The following CNTN5 variants were observed in gnomAD, a reference collection of about 807,000 sequenced individuals.
CNTN5 encodes contactin-5.
In CNTN5, 77 loss-of-function variants were observed where a neutral mutation model predicts 129.1. The observed-to-expected ratio is 0.60, with a 90% CI of 0.50 to 0.72. The LOEUF is 0.72. Ranked by LOEUF, CNTN5 falls within the 30% of genes least tolerant of loss-of-function variation. The pLI, the probability that CNTN5 is intolerant of heterozygous loss-of-function variation, is 0.00. For synonymous variants in CNTN5, 509 were observed against 465.6 expected (o/e 1.09, Z -1.20); for missense variants, 1,478 against 1,328.8 (o/e 1.11, Z -1.75).
chr11:99,068,511 T>C (rs964021276), intron 1 of CNTN5, among the ~76,000 whole-genome samples: 2 of 152,114 alleles, frequency 1.3e-5, no homozygotes, highest in Middle Eastern at 3.2e-3. Flanking sequence ...TACAATCTAT[T>C]GGAGATATTA....
intron 3 of CNTN5, among the ~76,000 whole-genome samples, chr11:99,790,409 A>G (rs1173278228): frequency 6.6e-6 from 1 of 151,898 alleles, no homozygotes; most frequent in Non-Finnish European, 1.5e-5. Flanking sequence ...TCCTACTTGT[A>G]AGACCATGCT....
intron 2 of CNTN5, among the ~76,000 whole-genome samples, chr11:99,387,147 G>T (rs998769130): frequency 2.0e-5 from 3 of 152,068 alleles, no homozygotes; most frequent in African/African-American, 7.2e-5. Flanking sequence ...AATTAATAGA[G>T]GTTGATTTTA....
intron 3 of CNTN5, among the ~76,000 whole-genome samples, chr11:99,701,708 A>G (rs1182368556): frequency 6.6e-6 from 1 of 151,012 alleles, no homozygotes; most frequent in Non-Finnish European, 1.5e-5. Flanking sequence ...GATCTTTCCT[A>G]TAATAAACCT....
At chr11:99,894,122 A>G (rs1949135836) in intron 6 of CNTN5, among the ~76,000 whole-genome samples, 1 of 152,034 alleles carries the variant, frequency 6.6e-6, no homozygotes, top group Non-Finnish European at 1.5e-5. Flanking sequence ...TGTACTTACC[A>G]TCTCCCGTTC....
chr11:100,112,409 G>A (rs1393834722), intron 13 of CNTN5, among the ~76,000 whole-genome samples: 2 of 152,090 alleles, frequency 1.3e-5, no homozygotes, highest in African/African-American at 2.4e-5. Flanking sequence ...TAATAGTAGA[G>A]AAATGGATAA....
chr11:99,488,123 T>C (rs1040277963), intron 2 of CNTN5, among the ~76,000 whole-genome samples: 5 of 151,792 alleles, frequency 3.3e-5, no homozygotes, highest in Non-Finnish European at 5.9e-5. Flanking sequence ...TCCCATCTGA[T>C]GCTAGTGAAG....
At chr11:100,165,613 A>G (rs1041664452) in intron 13 of CNTN5, among the ~76,000 whole-genome samples, 1 of 151,946 alleles carries the variant, frequency 6.6e-6, no homozygotes, top group African/African-American at 2.4e-5. Context: ...TGAATTCCCT[A>G]TCTCTGAAAG....
At chr11:100,110,114 T>C (rs1218741449) in intron 13 of CNTN5, among the ~76,000 whole-genome samples, 1 of 150,002 alleles carries the variant, frequency 6.7e-6, no homozygotes, top group Non-Finnish European at 1.5e-5. Context: ...TTGAGCCCAG[T>C]GGGTGGAGGT....
At chr11:99,522,973 A>T (rs1208003335) in intron 2 of CNTN5, among the ~76,000 whole-genome samples, 1 of 152,192 alleles carries the variant, frequency 6.6e-6, no homozygotes, top group Non-Finnish European at 1.5e-5. Flanking sequence ...ACTAAATTCC[A>T]AAAAAGTCCA....
In CNTN5 at chr11:99,371,061, G is replaced by A. The variant is rs1334521396; in HGVS notation, c.-71+45577G>A. ...CTGCAGCCTCTGTTGAAGAGAGGCA[G>A]TCTGACTCATCAAGTTTCTATTTTT... is the stretch of plus-strand genomic sequence containing the variant. On this transcript the variant is annotated intron_variant, in intron 2 of 24. Transcript: ENST00000524871. Among the ~76,000 whole-genome samples, 3 of 152,150 alleles carry A rather than the reference G, an allele frequency of 2.0e-5. No individual in the cohort carries two copies. The South Asian group carries it at 6.2e-4, about 31-fold the overall frequency.
At chr11:100,043,039 G>T (rs1450080790) in intron 9 of CNTN5, among the ~76,000 whole-genome samples, 2 of 152,150 alleles carry the variant, frequency 1.3e-5, no homozygotes, top group Non-Finnish European at 2.9e-5. Flanking sequence ...GTTTGTGCTT[G>T]TGAGCAATAA....
At chr11:99,883,069 G>A (rs1948812982) in intron 6 of CNTN5, among the ~76,000 whole-genome samples, 1 of 152,024 alleles carries the variant, frequency 6.6e-6, no homozygotes, top group South Asian at 2.1e-4. Context: ...TTCTTTTGTG[G>A]CTGAATAGTA....
intron 4 of CNTN5, among the ~76,000 whole-genome samples, chr11:99,831,836 A>G (rs1180104639): frequency 1.3e-5 from 2 of 152,132 alleles, no homozygotes; most frequent in African/African-American, 4.8e-5. Flanking sequence ...CCTACCTACT[A>G]AGGTTTTTCA....
chr11:100,309,377 G>A (rs1951423572), intron 21 of CNTN5: 1 of 974,260 alleles, frequency 1.0e-6, no homozygotes, highest in Non-Finnish European at 1.2e-6. Flanking sequence ...ACAATTATTT[G>A]ATTAACATAC....
chr11:99,580,242 G>T (rs574235083), intron 3 of CNTN5, among the ~76,000 whole-genome samples: 11 of 152,162 alleles, frequency 7.2e-5, no homozygotes, highest in South Asian at 2.1e-4. Context: ...CAGTATTTTA[G>T]TGAGGATTTT....
At chr11:99,773,639 G>T (rs575234690) in intron 3 of CNTN5, among the ~76,000 whole-genome samples, 2 of 152,084 alleles carry the variant, frequency 1.3e-5, no homozygotes, top group South Asian at 4.1e-4. Flanking sequence ...TTCATACAAT[G>T]TAAAAATTAG....
At chr11:99,968,572 C>A (rs1951157915) in intron 8 of CNTN5, among the ~76,000 whole-genome samples, 1 of 142,960 alleles carries the variant, frequency 7.0e-6, no homozygotes, top group Non-Finnish European at 1.5e-5. Context: ...TGGTACTCAA[C>A]AATGGAATGT....
At chr11:99,786,364 A>C (rs1945524043) in intron 3 of CNTN5, among the ~76,000 whole-genome samples, 1 of 151,806 alleles carries the variant, frequency 6.6e-6, no homozygotes, top group Non-Finnish European at 1.5e-5. Context: ...GGACACAAAC[A>C]AATGGAAAAA....
intron 6 of CNTN5, among the ~76,000 whole-genome samples, chr11:99,865,414 A>G (rs1350746966): frequency 2.0e-5 from 3 of 151,956 alleles, no homozygotes; most frequent in Non-Finnish European, 1.5e-5. Flanking sequence ...TTTTTAAAAT[A>G]CTATGAAAAT....
Sources: gnomAD v4.1 joint callset for allele counts (sites outside exome capture counted in the v4.1 genomes callset) on GRCh38, gnomAD v4.1.1 for gene constraint, MANE v1.5 for transcripts, NCBI Gene and HGNC (gene_info 2026-07-23, HGNC 2026-07-21) for gene names.